PTGER2: variants seen among roughly 807,000 people sequenced by gnomAD.
The protein encoded by PTGER2 is prostaglandin E receptor 2.
A neutral mutation model predicts 26.2 loss-of-function variants in PTGER2; 22 were observed. That is an observed-to-expected ratio of 0.84 (90% CI 0.60 to 1.20). PTGER2 has a LOEUF of 1.20. Ranked by LOEUF, PTGER2 falls within the 50% of genes most tolerant of loss-of-function variation. PTGER2 has a pLI of 0.00. For missense variants in PTGER2, 458 were observed against 475.2 expected, an observed-to-expected ratio of 0.96 and a Z score of 0.34; for synonymous variants, 219 against 208.9, an observed-to-expected ratio of 1.05 and a Z score of -0.42.
intron 1 of PTGER2, among the ~76,000 whole-genome samples, chr14:52,316,416 C>T (rs1054760782): frequency 2.6e-5 from 4 of 152,166 alleles, no homozygotes; most frequent in African/African-American, 9.7e-5. Context: ...AATGTGCTGG[C>T]CTCTTACGGG....
chr14:52,318,373 A>C (rs900601803), intron 1 of PTGER2, among the ~76,000 whole-genome samples: 2 of 152,266 alleles, frequency 1.3e-5, no homozygotes, highest in Non-Finnish European at 2.9e-5. Context: ...TATAACAAAA[A>C]GTAAAAAGAA....
chr14:52,314,318 A>C lies in PTGER2; in HGVS notation c.-231A>C. ...GCTCCCGGCCTTGGCCGGCGCGGGTAGGCGCGGGAGCCTCGAGCGCCGCTC... is the reference window on the plus strand; with the variant it reads ...GCTCCCGGCCTTGGCCGGCGCGGGTCGGCGCGGGAGCCTCGAGCGCCGCTC... On this transcript the variant is annotated 5_prime_UTR_variant, in exon 1 of 2. Transcript: ENST00000245457. This position sits in a 1 kb window ranked among gnomAD's most constrained non-coding sequence, Gnocchi z 5.7. 2.3e-5 allele frequency: 8 copies of C among 342,238 alleles called. No homozygotes were observed. The highest frequency in any genetic ancestry group is 5.0e-5 in the Admixed American group (1 of 20,080). The allele number at this position is 342,238 out of a possible 1,614,324, so 21.2% of individuals were successfully genotyped here. A position where few individuals can be genotyped will look rare whatever the true frequency, so the allele number is the denominator to read the frequency against.
chr14:52,327,258 A>T lies in PTGER2; in HGVS notation c.881A>T (p.Glu294Val). ...AYMNETSSRK[E>V]KWDLQALRFL... ...ATGAATGAAACCTCTTCCCGAAAGGAAAAATGGGACCTCCAAGCTCTTAGG... is the reference window on the plus strand; with the variant it reads ...ATGAATGAAACCTCTTCCCGAAAGGTAAAATGGGACCTCCAAGCTCTTAGG... Residue 294 changes from glutamate to valine, a missense_variant, in exon 2 of 2, where the codon GAA becomes GTA. By Grantham distance (121) the Glu-to-Val change is moderately radical (BLOSUM62 -2). Transcript: ENST00000245457. The T allele has an allele frequency of 6.2e-7, 1 of 1,612,506 alleles. No homozygotes were observed. Among genetic ancestry groups the T allele is most frequent in the Non-Finnish European group, 8.5e-7 (1 of 1,178,916 alleles).
rs375937025 is a variant in PTGER2, at chr14:52,326,047, C to T, written c.844-1174C>T. On this transcript the variant is annotated intron_variant, in intron 1 of 1. Transcript: ENST00000245457. ...GTTTTAAATGACTAGGTGTGATCTA[C>T]CTTTGTTTTCCTCTTTTCTGTGAAT... 4.6e-5 allele frequency among the ~76,000 whole-genome samples: 7 copies of T among 152,282 alleles called. No individual in the cohort carries two copies. In the East Asian group the frequency reaches 1.2e-3, roughly 25 times the overall value.
intron 1 of PTGER2, among the ~76,000 whole-genome samples, chr14:52,319,703 C>T (rs555721955): frequency 6.6e-6 from 1 of 152,320 alleles, no homozygotes; most frequent in Admixed American, 6.5e-5. Context: ...AAGCCCCTTT[C>T]TCGCCACTTT....
At chr14:52,325,210 C>G (rs2033937261) in intron 1 of PTGER2, among the ~76,000 whole-genome samples, 1 of 84,702 alleles carries the variant, frequency 1.2e-5, no homozygotes, top group Non-Finnish European at 2.5e-5. Context: ...CTCAAAATTA[C>G]CCAGCATAGT....
Position 52,315,257 on chromosome 14 carries a change from T to C in PTGER2, c.709T>C (p.Ser237Pro), listed in dbSNP as rs2033826552. ...RRSRRSRCGP[S>P]LGSGRGGPGA... ...AAGCCGGAGAAGCCGCTGCGGACCT[T>C]CCCTGGGCAGTGGCCGGGGCGGCCC... is the stretch of plus-strand genomic sequence containing the variant. The change falls in exon 1 of 2, where the codon TCC becomes CCC. Residue 237 changes from serine to proline, a missense_variant. Transcript: ENST00000245457. 6.2e-7 allele frequency: 1 copy of C among 1,612,854 alleles called. No individual in the cohort carries two copies. The highest frequency in any genetic ancestry group is 8.5e-7 in the Non-Finnish European group (1 of 1,179,902).
chr14:52,320,798 G>A (rs2033886699), intron 1 of PTGER2, among the ~76,000 whole-genome samples: 1 of 152,170 alleles, frequency 6.6e-6, no homozygotes, highest in Non-Finnish European at 1.5e-5. Flanking sequence ...TAAGAACCTT[G>A]CAGCTGGGAC....
At chr14:52,318,519 T>C (rs1289282337) in intron 1 of PTGER2, among the ~76,000 whole-genome samples, 3 of 152,152 alleles carry the variant, frequency 2.0e-5, no homozygotes, top group African/African-American at 7.2e-5. Flanking sequence ...TCCCAGAAAA[T>C]AGTAGCAATC....
chr14:52,318,969 G>A (rs1444403573), intron 1 of PTGER2, among the ~76,000 whole-genome samples: 3 of 152,180 alleles, frequency 2.0e-5, no homozygotes, highest in Non-Finnish European at 2.9e-5. Flanking sequence ...TCGTACAGAC[G>A]AGGCAAATGA....
chr14:52,319,031 G>A (rs991667885), intron 1 of PTGER2, among the ~76,000 whole-genome samples: 1 of 152,134 alleles, frequency 6.6e-6, no homozygotes, highest in Non-Finnish European at 1.5e-5. Flanking sequence ...CTCAAAGCTA[G>A]GCAATTTAAG....
In PTGER2 at chr14:52,314,962, C is replaced by A; in HGVS notation, c.414C>A (p.Ile138=). The part of the protein sequence containing the change: ...FAMALERYLS[I]GHPYFYQRRV... ...TGGCCCTGGAGCGCTACCTCTCGAT[C>A]GGGCACCCCTACTTCTACCAGCGCC... The change falls in exon 1 of 2, where the codon ATC becomes ATA. Residue 138 remains isoleucine (I), a synonymous_variant. Coordinates refer to ENST00000245457, the MANE Select transcript of PTGER2 (RefSeq NM_000956.4). The surrounding 1 kb of genome is among the most constrained non-coding windows in gnomAD (Gnocchi z 5.7). 6.2e-7 allele frequency: 1 copy of A among 1,613,154 alleles called. No individual in the cohort carries two copies. The highest frequency in any genetic ancestry group is 8.5e-7 in the Non-Finnish European group (1 of 1,179,940).
chr14:52,320,646 T>G (rs1266293504), intron 1 of PTGER2, among the ~76,000 whole-genome samples: 1 of 152,216 alleles, frequency 6.6e-6, no homozygotes, highest in African/African-American at 2.4e-5. Context: ...TGTCCTGTTT[T>G]GAAATTTCTG....
At chr14:52,323,888 A>G (rs2033922933) in intron 1 of PTGER2, among the ~76,000 whole-genome samples, 1 of 152,246 alleles carries the variant, frequency 6.6e-6, no homozygotes, top group Admixed American at 6.5e-5. Flanking sequence ...TAACAAATAC[A>G]TTGGTAGTGC....
rs144220413 is a variant in PTGER2, at chr14:52,315,272, C to T, written c.724C>T (p.Arg242Trp). ...SRCGPSLGSG[R>W]GGPGARRRGE... The stretch of plus-strand genomic sequence containing the variant: ...CTGCGGACCTTCCCTGGGCAGTGGC[C>T]GGGGCGGCCCCGGGGCCCGCAGGAG... The change falls in exon 1 of 2, where the codon CGG becomes TGG. Residue 242 changes from arginine (R) to tryptophan (W), a missense_variant. Physicochemically the swap from Arg to Trp is moderately radical, Grantham distance 101 (BLOSUM62 -3). Transcript: ENST00000245457. The T allele has an allele frequency of 1.4e-5, 23 of 1,613,094 alleles. No homozygotes were observed. The African/African-American group carries it at 2.5e-4, about 18-fold the overall frequency.
In PTGER2 at chr14:52,315,194, T is replaced by C. The variant is rs1415129757; in HGVS notation, c.646T>C (p.Phe216Leu). The C allele has an allele frequency of 9.9e-6, 16 of 1,608,280 alleles. No individual in the cohort carries two copies. Among genetic ancestry groups the C allele is most frequent in the Non-Finnish European group, 1.4e-5 (16 of 1,179,456 alleles). The change falls in exon 1 of 2, where the codon TTC becomes CTC. Residue 216 changes from phenylalanine (F) to leucine (L), a missense_variant. Phe to Leu is a conservative substitution (Grantham distance 22). Coordinates refer to ENST00000245457, the MANE Select transcript of PTGER2 (RefSeq NM_000956.4). Reference protein sequence around the residue: ...LLIVSVLACNFSVILNLIRMH... With the variant: ...LLIVSVLACNLSVILNLIRMH... Reference sequence around the variant, plus strand: ...CATTGTCTCGGTGCTCGCCTGCAACTTCAGTGTCATTCTCAACCTCATCCG... The same window carrying C: ...CATTGTCTCGGTGCTCGCCTGCAACCTCAGTGTCATTCTCAACCTCATCCG...
At chr14:52,323,433 T>TA (rs1238387356) in intron 1 of PTGER2, among the ~76,000 whole-genome samples, 6 of 152,188 alleles carry the variant, frequency 3.9e-5, no homozygotes, top group African/African-American at 1.4e-4. Context: ...TTGTATTTTT[T>TA]AGTAGAGATG....
In PTGER2 at chr14:52,315,742, C is replaced by T. The variant is rs117089258; in HGVS notation, c.843+351C>T. Among the ~76,000 whole-genome samples, 62 of 152,304 alleles carry T rather than the reference C, an allele frequency of 4.1e-4. 1 individual carries two copies. In the East Asian group the frequency reaches 0.011, roughly 28 times the overall value. On this transcript the variant is annotated intron_variant, in intron 1 of 1. Coordinates refer to ENST00000245457, the MANE Select transcript of PTGER2 (RefSeq NM_000956.4). ...CTTAGTAATTGAGAAAGAGGCAGCC[C>T]CTTCCACCTTAGGATGGCTGTCACT...
At position 52,327,644 on chromosome 14, in the gene PTGER2, G is replaced by A; in HGVS notation, c.*190G>A. 3.6e-6 allele frequency: 2 copies of A among 554,460 alleles called. No individual in the cohort carries two copies. The highest frequency in any genetic ancestry group is 3.4e-5 in the Admixed American group (1 of 29,134). 34.3% of individuals were successfully genotyped at this position (554,460 alleles called of 1,614,324 possible). ...CACTTCATGTAAAGTGTCAGAAGGAGCTACAAAACCTACCCTCAGTGAGCA... is the reference window on the plus strand; with the variant it reads ...CACTTCATGTAAAGTGTCAGAAGGAACTACAAAACCTACCCTCAGTGAGCA... On this transcript the variant is annotated 3_prime_UTR_variant, in exon 2 of 2. Coordinates refer to ENST00000245457, the MANE Select transcript of PTGER2 (RefSeq NM_000956.4).
Sources: allele counts gnomAD v4.1 joint callset (sites outside exome capture counted in the v4.1 genomes callset), GRCh38; gene constraint gnomAD v4.1.1; non-coding constraint Gnocchi (gnomAD v3.1); transcripts MANE v1.5; gene names NCBI Gene and HGNC (gene_info 2026-07-23, HGNC 2026-07-21).